Variants in CDK15 observed in about 807,000 individuals in gnomAD.
The protein encoded by CDK15 is cyclin dependent kinase 15.
In CDK15, 62 loss-of-function variants were observed where a neutral mutation model predicts 60.3. That is an observed-to-expected ratio of 1.03 (90% CI 0.84 to 1.27). The LOEUF (loss-of-function observed/expected upper bound fraction) is 1.27, where lower values mean the gene tolerates loss of function less well. Among genes scored for constraint, CDK15 ranks in the 50% most tolerant of loss-of-function variants. The pLI, the probability that CDK15 is intolerant of heterozygous loss-of-function variation, is 0.00. For synonymous variants in CDK15, 194 were observed against 195.7 expected, an observed-to-expected ratio of 0.99 and a Z score of 0.07; for missense variants, 541 against 527.8, an observed-to-expected ratio of 1.03 and a Z score of -0.25.
At position 201,832,722 on chromosome 2, in the gene CDK15, T is replaced by C. The variant is rs74495403; in HGVS notation, c.607-1126T>C. Reference sequence around the variant, plus strand: ...TAAACTCTCCATGCTCCTGCTTCCATTGGACCATTTGGCTCCAATGTCTCC... The same window carrying C: ...TAAACTCTCCATGCTCCTGCTTCCACTGGACCATTTGGCTCCAATGTCTCC... On this transcript the variant is annotated intron_variant, in intron 6 of 13. Transcript: ENST00000652192. Among the ~76,000 whole-genome samples the C allele has an allele frequency of 7.6e-3, 1,158 of 152,354 alleles. 20 individuals carry two copies. The highest frequency in any genetic ancestry group is 0.027 in the African/African-American group (1,106 of 41,586).
At chr2:201,891,127 T>C (rs1412863791) in intron 13 of CDK15, among the ~76,000 whole-genome samples, 200 bp downstream of exon 13, 1 of 152,234 alleles carries the variant, frequency 6.6e-6, no homozygotes, top group Non-Finnish European at 1.5e-5. Flanking sequence ...ATGCATTGCC[T>C]TTCTCTTCCA....
chr2:201,845,589 T>TAA (rs35345906), intron 8 of CDK15, among the ~76,000 whole-genome samples: 142 of 101,460 alleles, frequency 1.4e-3, no homozygotes, highest in Middle Eastern at 0.011. Context: ...CCATCTGTAT[T>TAA]AAAAAAAAAA....
chr2:201,881,516 C>T (rs1699276283), intron 12 of CDK15, among the ~76,000 whole-genome samples: 2 of 152,142 alleles, frequency 1.3e-5, no homozygotes, highest in African/African-American at 4.8e-5. Flanking sequence ...CATATCAGCA[C>T]ACATCATATC....
At chr2:201,846,826 G>T (rs905247518) in intron 8 of CDK15, among the ~76,000 whole-genome samples, 1 of 152,100 alleles carries the variant, frequency 6.6e-6, no homozygotes, top group African/African-American at 2.4e-5. Flanking sequence ...TGCTGAATGT[G>T]AAAAAGTTTT....
At chr2:201,850,779 T>G (rs1250842334) in intron 9 of CDK15, among the ~76,000 whole-genome samples, 2 of 152,180 alleles carry the variant, frequency 1.3e-5, no homozygotes, top group East Asian at 3.8e-4. Flanking sequence ...CTCCCTTTCC[T>G]CCACATTCTT....
intron 12 of CDK15, among the ~76,000 whole-genome samples, chr2:201,883,631 G>C (rs1304820525): frequency 6.6e-6 from 1 of 152,154 alleles, no homozygotes; most frequent in Non-Finnish European, 1.5e-5. Flanking sequence ...TTATTGACTC[G>C]TGAACACCTG....
chr2:201,810,164 A>T (rs753452885), intron 3 of CDK15, among the ~76,000 whole-genome samples: 5 of 152,306 alleles, frequency 3.3e-5, no homozygotes, highest in Admixed American at 6.5e-5. Context: ...TACCTCATAA[A>T]ACTCTAAAAC....
Position 201,868,610 on chromosome 2 carries a change from G to T in CDK15, c.1010-3668G>T, listed in dbSNP as rs185089002. Among the ~76,000 whole-genome samples the T allele has an allele frequency of 1.1e-3, 166 of 152,084 alleles. 1 individual carries two copies. The highest frequency in any genetic ancestry group is 3.4e-4 in the Non-Finnish European group (23 of 68,002). ...AAACTGAGGGTTGCCCCTACAGAAT[G>T]CGAGAAAATTTTTGCAATCTACTCA... On this transcript the variant is annotated intron_variant, in intron 10 of 13. Transcript: ENST00000652192.
At chr2:201,815,876 A>G (rs1423363765) in intron 4 of CDK15, among the ~76,000 whole-genome samples, 3 of 152,128 alleles carry the variant, frequency 2.0e-5, no homozygotes, top group Non-Finnish European at 4.4e-5. Flanking sequence ...AAAATGTGCT[A>G]TTTTTGTTGT....
chr2:201,871,877 C>T (rs910643072), intron 10 of CDK15, among the ~76,000 whole-genome samples: 4 of 152,116 alleles, frequency 2.6e-5, no homozygotes, highest in Admixed American at 6.5e-5. Context: ...TGAGTCTCTT[C>T]GCCTCACCTT....
intron 10 of CDK15, among the ~76,000 whole-genome samples, chr2:201,871,128 A>C (rs1311742354): frequency 1.3e-5 from 2 of 152,166 alleles, no homozygotes; most frequent in Non-Finnish European, 1.5e-5. Context: ...ATATAAAATT[A>C]GCTCCCCTTA....
chr2:201,863,543 A>G (rs1469233703), intron 10 of CDK15, among the ~76,000 whole-genome samples: 3 of 152,184 alleles, frequency 2.0e-5, no homozygotes, highest in Non-Finnish European at 4.4e-5. Flanking sequence ...GCTTTGCACC[A>G]TCAAGCTCTG....
intron 12 of CDK15, among the ~76,000 whole-genome samples, chr2:201,880,400 A>T (rs1574937639): frequency 6.6e-6 from 1 of 152,114 alleles, no homozygotes; most frequent in Middle Eastern, 3.4e-3. Context: ...GGTTACAAGG[A>T]CCTCTTTGTA....
At chr2:201,808,619 G>A (rs577243589) in intron 3 of CDK15, 1 of 151,780 alleles carries the variant, frequency 6.6e-6, no homozygotes, top group East Asian at 2.0e-4. Flanking sequence ...TTTTCTTTAT[G>A]TTACTCCAAT....
chr2:201,891,498 G>A (rs888306166), intron 13 of CDK15, among the ~76,000 whole-genome samples: 4 of 152,190 alleles, frequency 2.6e-5, no homozygotes, highest in Admixed American at 6.5e-5. Context: ...AGGATGCTCA[G>A]TACTAGAATT....
intron 5 of CDK15, among the ~76,000 whole-genome samples, chr2:201,823,336 A>G (rs1369317925): frequency 6.6e-6 from 1 of 152,216 alleles, no homozygotes; most frequent in Non-Finnish European, 1.5e-5. Context: ...AGTAGAAAGA[A>G]CTTATAAGGT....
chr2:201,879,216 G>A (rs1017593398), intron 11 of CDK15, among the ~76,000 whole-genome samples: 2 of 152,218 alleles, frequency 1.3e-5, no homozygotes, highest in Admixed American at 1.3e-4. Flanking sequence ...AGGGAACCAA[G>A]AGAGCTTCCT....
chr2:201,815,097 A>G (rs1161131198), intron 4 of CDK15, among the ~76,000 whole-genome samples: 1 of 152,034 alleles, frequency 6.6e-6, no homozygotes, highest in East Asian at 1.9e-4. Flanking sequence ...GATTACAGGC[A>G]TGTGCCACCA....
chr2:201,821,983 A>T (rs1181826417), intron 4 of CDK15, among the ~76,000 whole-genome samples: 1 of 152,154 alleles, frequency 6.6e-6, no homozygotes, highest in South Asian at 2.1e-4. Context: ...GCCCGGCCTC[A>T]TGGTCTCTTT....
Sources: allele counts gnomAD v4.1 joint callset (sites outside exome capture counted in the v4.1 genomes callset), GRCh38; gene constraint gnomAD v4.1.1; transcripts MANE v1.5; gene names NCBI Gene and HGNC (gene_info 2026-07-23, HGNC 2026-07-21).